LSAMP: variants seen among roughly 807,000 people sequenced by gnomAD.
The protein encoded by LSAMP is limbic system-associated membrane protein.
Under a neutral mutation model 38.6 loss-of-function variants are expected in LSAMP, and 7 were observed. The ratio of observed to expected loss-of-function variants is 0.18; its 90% CI spans 0.10 to 0.34. LSAMP has a LOEUF of 0.34. Among genes scored for constraint, LSAMP ranks in the 10% least tolerant of loss-of-function variants. LSAMP has a pLI of 1.00. For synonymous variants in LSAMP, 154 were observed against 166.8 expected (o/e 0.92, Z 0.59); for missense variants, 313 against 420.0 (o/e 0.75, Z 2.23).
intron 3 of LSAMP, among the ~76,000 whole-genome samples, chr3:115,856,700 G>A (rs866871281): frequency 6.6e-6 from 1 of 152,016 alleles, no homozygotes; most frequent in Admixed American, 6.5e-5. Flanking sequence ...AGAGAAAAGA[G>A]AGCTGTCTCT....
At chr3:115,928,558 A>G (rs1937526276) in intron 3 of LSAMP, among the ~76,000 whole-genome samples, 1 of 152,242 alleles carries the variant, frequency 6.6e-6, no homozygotes, top group Admixed American at 6.5e-5. Context: ...AGAAGATGAG[A>G]ACTTCCTTTA....
chr3:116,193,722 G>A (rs1710809901), intron 1 of LSAMP, among the ~76,000 whole-genome samples: 1 of 152,094 alleles, frequency 6.6e-6, no homozygotes, highest in Non-Finnish European at 1.5e-5. Context: ...CCACCAAAAT[G>A]TAGGAAAATA....
intron 1 of LSAMP, among the ~76,000 whole-genome samples, chr3:116,203,802 G>A (rs1012594661): frequency 6.6e-6 from 1 of 151,856 alleles, no homozygotes; most frequent in African/African-American, 2.4e-5. Flanking sequence ...GTCTATTATT[G>A]TTGGACATTT....
chr3:116,108,496 A>G (rs539001417), intron 1 of LSAMP, among the ~76,000 whole-genome samples: 66 of 152,208 alleles, frequency 4.3e-4, no homozygotes, highest in African/African-American at 1.3e-3. Flanking sequence ...AAGGGGAAGG[A>G]CTTACCTTCC....
intron 3 of LSAMP, among the ~76,000 whole-genome samples, chr3:115,980,446 GTT>G (rs112803290): frequency 0.046 from 6,981 of 152,168 alleles, 350 homozygotes; most frequent in African/African-American, 0.13. Flanking sequence ...TCAGTTTGGA[GTT>G]TTTGGTTTCT....
chr3:116,164,760 A>ATTTT (rs1553709491), intron 1 of LSAMP, among the ~76,000 whole-genome samples: 956 of 91,620 alleles, frequency 0.01, 126 homozygotes, highest in Non-Finnish European at 0.016. Flanking sequence ...ATATATATAT[A>ATTTT]TTTTTTTTTT....
chr3:116,111,889 C>A (rs1394437395), intron 1 of LSAMP, among the ~76,000 whole-genome samples: 5 of 152,242 alleles, frequency 3.3e-5, no homozygotes, highest in South Asian at 2.1e-4. Flanking sequence ...TCAAGGGGAC[C>A]CTAGCCACAA....
chr3:116,277,542 T>G (rs903028883), intron 1 of LSAMP, among the ~76,000 whole-genome samples: 18 of 152,004 alleles, frequency 1.2e-4, no homozygotes, highest in Non-Finnish European at 2.9e-5. Flanking sequence ...GCTAATTTTT[T>G]TGTATTTTTT....
chr3:115,937,940 T>A (rs1312479667), intron 3 of LSAMP, among the ~76,000 whole-genome samples: 4 of 152,308 alleles, frequency 2.6e-5, no homozygotes, highest in Non-Finnish European at 5.9e-5. Context: ...TTTAATTTAC[T>A]ATTGTGTGGA....
chr3:116,191,714 T>C (rs377619432), intron 1 of LSAMP, among the ~76,000 whole-genome samples: 3 of 151,960 alleles, frequency 2.0e-5, no homozygotes, highest in Non-Finnish European at 2.9e-5. Context: ...TCAACATTCC[T>C]GCATGGTATT....
chr3:116,062,087 A>G (rs558469779), intron 2 of LSAMP, among the ~76,000 whole-genome samples: 11 of 152,366 alleles, frequency 7.2e-5, no homozygotes, highest in Non-Finnish European at 1.6e-4. Flanking sequence ...CATGTTCATA[A>G]ACTACTTATA....
At chr3:116,121,480 A>G (rs1490122844) in intron 1 of LSAMP, among the ~76,000 whole-genome samples, 1 of 152,218 alleles carries the variant, frequency 6.6e-6, no homozygotes, top group Non-Finnish European at 1.5e-5. Flanking sequence ...TAATTAAGAT[A>G]CTGGCAATGT....
chr3:115,937,536 G>A (rs1362007717), intron 3 of LSAMP, among the ~76,000 whole-genome samples: 3 of 151,928 alleles, frequency 2.0e-5, no homozygotes, highest in Non-Finnish European at 4.4e-5. Flanking sequence ...AGCTACTAGG[G>A]AGGCTGAGGT....
intron 2 of LSAMP, among the ~76,000 whole-genome samples, chr3:116,056,996 TG>T: frequency 6.6e-6 from 1 of 152,252 alleles, no homozygotes; most frequent in East Asian, 1.9e-4. Context: ...AATTAAGCTA[TG>T]AAGAATTGTG....
At chr3:116,007,500 C>T (rs1461493816) in intron 3 of LSAMP, among the ~76,000 whole-genome samples, 1 of 152,102 alleles carries the variant, frequency 6.6e-6, no homozygotes, top group Non-Finnish European at 1.5e-5. Context: ...AATGTGTGCA[C>T]ATTTTAAGTG....
chr3:116,276,043 G>A lies in LSAMP; in HGVS notation c.155+168834C>T, dbSNP rs927487258. ...AACATGTTTCAAGGGTGACTAGACT[G>A]ACACCAGGCTATGTTTTAACATTAG... On this transcript the variant is annotated intron_variant, in intron 1 of 6. Coordinates refer to ENST00000490035, the MANE Select transcript of LSAMP (RefSeq NM_002338.5). Among the ~76,000 whole-genome samples, 5 of 152,196 alleles carry A rather than the reference G, an allele frequency of 3.3e-5. No individual in the cohort carries two copies. The South Asian group carries it at 6.2e-4, about 19-fold the overall frequency.
rs76304029 is a variant in LSAMP, at chr3:115,871,421, T to C, written c.515-18804A>G. Reference sequence around the variant, plus strand: ...TATTCCTGGGAAATCAACCTTACCATTGAAGGTTTCAGAGGCCCTTGAAGG... The same window carrying C: ...TATTCCTGGGAAATCAACCTTACCACTGAAGGTTTCAGAGGCCCTTGAAGG... On this transcript the variant is annotated intron_variant, in intron 3 of 6. Transcript: ENST00000490035. 9.2e-3 allele frequency among the ~76,000 whole-genome samples: 1,395 copies of C among 152,108 alleles called. 7 individuals are homozygous for C. The highest frequency in any genetic ancestry group is 0.015 in the Non-Finnish European group (1,012 of 67,978).
chr3:116,258,818 C>T (rs901866192), intron 1 of LSAMP, among the ~76,000 whole-genome samples: 2 of 152,108 alleles, frequency 1.3e-5, no homozygotes, highest in Non-Finnish European at 2.9e-5. Context: ...TATAGTCATA[C>T]AGAGACTGCT....
At chr3:116,432,279 A>T (rs1292148212) in intron 1 of LSAMP, among the ~76,000 whole-genome samples, 1 of 151,930 alleles carries the variant, frequency 6.6e-6, no homozygotes, top group Non-Finnish European at 1.5e-5. Flanking sequence ...CGTAAATTTT[A>T]TGTACATATA....
Sources: gnomAD v4.1 joint callset for allele counts (sites outside exome capture counted in the v4.1 genomes callset) on GRCh38, gnomAD v4.1.1 for gene constraint, MANE v1.5 for transcripts, NCBI Gene and HGNC (gene_info 2026-07-23, HGNC 2026-07-21) for gene names.